MECOM: variants seen among roughly 807,000 people sequenced by gnomAD.
MECOM encodes the protein MDS1 and EVI1 complex locus.
MECOM carries 13 observed loss-of-function variants against 116.3 expected under a neutral mutation model. That is an observed-to-expected ratio of 0.11 (90% CI 0.07 to 0.18). The LOEUF is 0.18. Ranked by LOEUF, MECOM falls within the 10% of genes least tolerant of loss-of-function variation. The pLI is 1.00. For synonymous variants in MECOM, 528 were observed against 535.2 expected, an observed-to-expected ratio of 0.99 and a Z score of 0.19; for missense variants, 1,299 against 1,509.0, an observed-to-expected ratio of 0.86 and a Z score of 2.31.
intron 1 of MECOM, among the ~76,000 whole-genome samples, chr3:169,465,732 T>C: frequency 6.6e-6 from 1 of 152,230 alleles, no homozygotes; most frequent in East Asian, 1.9e-4. Context: ...CCTCATGATA[T>C]ACTAAACAAT....
chr3:169,589,822 T>C (rs1766194434), intron 1 of MECOM, among the ~76,000 whole-genome samples: 1 of 152,186 alleles, frequency 6.6e-6, no homozygotes, highest in Non-Finnish European at 1.5e-5. Context: ...TCTACCTACT[T>C]TTAACAAATC....
chr3:169,375,443 C>T (rs543175187), intron 2 of MECOM, among the ~76,000 whole-genome samples: 1 of 151,390 alleles, frequency 6.6e-6, no homozygotes, highest in African/African-American at 2.4e-5. Flanking sequence ...CCAGACTAAC[C>T]AAGAAGAGAA....
At chr3:169,337,118 T>C (rs902221021) in intron 2 of MECOM, among the ~76,000 whole-genome samples, 7 of 152,206 alleles carry the variant, frequency 4.6e-5, no homozygotes, top group Non-Finnish European at 7.3e-5. Flanking sequence ...TAACTACTTA[T>C]GTGAAATCAC....
chr3:169,456,239 T>A (rs1006590558), intron 1 of MECOM, among the ~76,000 whole-genome samples: 2 of 152,118 alleles, frequency 1.3e-5, no homozygotes, highest in Non-Finnish European at 2.9e-5. Context: ...TGGGTCCTGC[T>A]CTTGCTTTTA....
At chr3:169,205,896 A>T (rs1749859438) in intron 2 of MECOM, among the ~76,000 whole-genome samples, 2 of 152,212 alleles carry the variant, frequency 1.3e-5, no homozygotes, top group South Asian at 2.1e-4. Context: ...TGCTAATAAT[A>T]ATTGAAAATG....
chr3:169,335,428 C>T (rs777715016), intron 2 of MECOM, among the ~76,000 whole-genome samples: 2 of 152,128 alleles, frequency 1.3e-5, no homozygotes, highest in Non-Finnish European at 2.9e-5. Flanking sequence ...ACAATTCTGT[C>T]CCTCTATGGC....
At chr3:169,221,479 T>C (rs1309273495) in intron 2 of MECOM, among the ~76,000 whole-genome samples, 1 of 151,950 alleles carries the variant, frequency 6.6e-6, no homozygotes, top group Non-Finnish European at 1.5e-5. Flanking sequence ...AGAGTGTGAA[T>C]TGTGTGCCCA....
At chr3:169,417,827 AATC>A in intron 1 of MECOM, among the ~76,000 whole-genome samples, 1 of 152,244 alleles carries the variant, frequency 6.6e-6, no homozygotes, top group East Asian at 1.9e-4. Flanking sequence ...TGAAATTGGA[AATC>A]ATCATTCTCA....
chr3:169,568,019 C>G (rs985289117), intron 1 of MECOM, among the ~76,000 whole-genome samples: 8 of 152,104 alleles, frequency 5.3e-5, no homozygotes, highest in Non-Finnish European at 8.8e-5. Context: ...ACTGTGGTAC[C>G]CAGCTCATCT....
At chr3:169,214,920 A>T (rs183628935) in intron 2 of MECOM, among the ~76,000 whole-genome samples, 2,018 of 148,196 alleles carry the variant, frequency 0.014, 32 homozygotes, top group Non-Finnish European at 0.02. Context: ...ATATATATAC[A>T]TATATATACA....
rs56270349 is a variant in MECOM at position 169,659,440 on chromosome 3, ATTTTTTTTTTTTTT to A, written c.37+3882_37+3895del. 1.0e-3 allele frequency among the ~76,000 whole-genome samples: 63 copies of A among 62,142 alleles called. 1 individual carries two copies. The highest frequency in any genetic ancestry group is 2.8e-3 in the African/African-American group (45 of 16,264). The allele number at this position is 62,142 out of a possible 152,430, so 40.8% of individuals were successfully genotyped here. A position where few individuals can be genotyped will look rare whatever the true frequency, so the allele number is the denominator to read the frequency against. ...GTAATTAACCTTCCCCTAAACACAG[ATTTTTTTTTTTTTT>A]TTTTTTTTTTTTTTTTTTTGCAAAA... On this transcript the variant is annotated intron_variant, in intron 1 of 16. Coordinates refer to ENST00000651503, the MANE Select transcript of MECOM (RefSeq NM_004991.4).
intron 1 of MECOM, among the ~76,000 whole-genome samples, chr3:169,482,912 T>G (rs936346172): frequency 1.3e-5 from 2 of 152,160 alleles, no homozygotes; most frequent in African/African-American, 4.8e-5. Flanking sequence ...TCTCCAAAAG[T>G]ACATAACAAT....
chr3:169,304,144 T>C (rs1233206058), intron 2 of MECOM, among the ~76,000 whole-genome samples: 1 of 152,200 alleles, frequency 6.6e-6, no homozygotes, highest in East Asian at 1.9e-4. Flanking sequence ...AAATTATCAG[T>C]ATAGTTTTGG....
At chr3:169,527,497 A>T (rs572333658) in intron 1 of MECOM, among the ~76,000 whole-genome samples, 30 of 152,336 alleles carry the variant, frequency 2.0e-4, no homozygotes, top group African/African-American at 7.0e-4. Flanking sequence ...TATTAATCTA[A>T]ACGTGATGGC....
intron 2 of MECOM, among the ~76,000 whole-genome samples, chr3:169,214,042 T>C (rs908736930): frequency 2.6e-5 from 4 of 152,174 alleles, no homozygotes; most frequent in Admixed American, 1.3e-4. Flanking sequence ...TACACATCTG[T>C]ATGATACCAT....
chr3:169,450,686 C>T (rs1292122556), intron 1 of MECOM, among the ~76,000 whole-genome samples: 1 of 152,094 alleles, frequency 6.6e-6, no homozygotes, highest in Non-Finnish European at 1.5e-5. Context: ...AGAGAGAGAG[C>T]GTGAAAACAC....
intron 1 of MECOM, among the ~76,000 whole-genome samples, chr3:169,617,748 T>G (rs896786816): frequency 6.6e-6 from 1 of 152,170 alleles, no homozygotes; most frequent in African/African-American, 2.4e-5. Context: ...GGGGCGGGAT[T>G]ATAAAGGGAG....
At chr3:169,187,209 A>G (rs951232805) in intron 2 of MECOM, among the ~76,000 whole-genome samples, 2 of 152,052 alleles carry the variant, frequency 1.3e-5, no homozygotes, top group African/African-American at 4.8e-5. Flanking sequence ...TCACCCTTCA[A>G]AGAAGTTGCA....
intron 1 of MECOM, among the ~76,000 whole-genome samples, chr3:169,474,988 CAAGCT>C (rs1395365557): frequency 3.3e-5 from 5 of 152,114 alleles, no homozygotes; most frequent in Admixed American, 3.3e-4. Flanking sequence ...TAGTAGGGGC[CAAGCT>C]GAGTTCCAAT....
Sources: allele counts gnomAD v4.1 joint callset (sites outside exome capture counted in the v4.1 genomes callset), GRCh38; gene constraint gnomAD v4.1.1; transcripts MANE v1.5; gene names NCBI Gene and HGNC (gene_info 2026-07-23, HGNC 2026-07-21).